Variants in ZBTB40 observed in about 807,000 individuals in gnomAD.
ZBTB40 encodes zinc finger and BTB domain containing 40.
ZBTB40 carries 60 observed loss-of-function variants against 117.5 expected under a neutral mutation model. That is an observed-to-expected ratio of 0.51 (90% confidence interval 0.41 to 0.63). The LOEUF (loss-of-function observed/expected upper bound fraction) is 0.63, where lower values mean the gene tolerates loss of function less well. Ranked by LOEUF, ZBTB40 falls within the 30% of genes least tolerant of loss-of-function variation. The pLI, the probability that ZBTB40 is intolerant of heterozygous loss-of-function variation, is 0.00. For missense variants in ZBTB40, 1,287 were observed against 1,498.5 expected (o/e 0.86, Z 2.33); for synonymous variants, 525 against 577.1 (o/e 0.91, Z 1.29).
At chr1:22,456,855 T>C (rs1569769421) in intron 1 of ZBTB40, among the ~76,000 whole-genome samples, 1 of 152,244 alleles carries the variant, frequency 6.6e-6, no homozygotes, top group Admixed American at 6.5e-5. Flanking sequence ...TTAGCAGATA[T>C]CATAACTGTT....
chr1:22,431,642 A>G (rs1457456275), intron 1 of ZBTB40, among the ~76,000 whole-genome samples: 1 of 151,880 alleles, frequency 6.6e-6, no homozygotes, highest in African/African-American at 2.4e-5. Context: ...AGGCTGAGGC[A>G]GGAGAATCTC....
intron 1 of ZBTB40, among the ~76,000 whole-genome samples, chr1:22,444,576 T>G (rs538366001): frequency 2.6e-5 from 4 of 152,268 alleles, no homozygotes; most frequent in African/African-American, 9.6e-5. Context: ...TGGTGGAGTT[T>G]AACTGGTGTT....
chr1:22,475,225 T>C (rs909682119), intron 1 of ZBTB40, among the ~76,000 whole-genome samples: 16 of 152,234 alleles, frequency 1.1e-4, no homozygotes, highest in African/African-American at 3.9e-4. Context: ...TGTGTTTCCC[T>C]TATTAGTCCA....
Position 22,522,456 on chromosome 1 carries a change from G to A in ZBTB40, c.3291G>A (p.Gln1097=). The A allele has an allele frequency of 6.2e-7, 1 of 1,614,178 alleles. No homozygotes were observed. The highest frequency in any genetic ancestry group is 1.3e-5 in the African/African-American group (1 of 75,058). The stretch of plus-strand genomic sequence containing the variant: ...TGCTGCAGGTTCATGTCAAGTGCCA[G>A]CATTCAGGTCAGTACCCCTGTCAGC... ...PALLQVHVKC[Q]HSGSQPFRCL... The change falls in exon 16 of 18, where the codon CAG becomes CAA. Residue 1097 remains glutamine (Q), a synonymous_variant. Transcript: ENST00000375647.
At chr1:22,509,617 G>A (rs1639176056) in intron 9 of ZBTB40, among the ~76,000 whole-genome samples, 1 of 152,224 alleles carries the variant, frequency 6.6e-6, no homozygotes, top group South Asian at 2.1e-4. Context: ...CCAGAGTGCT[G>A]GGATTACAGG....
chr1:22,501,022 G>A (rs545937504), intron 3 of ZBTB40, among the ~76,000 whole-genome samples: 9 of 152,236 alleles, frequency 5.9e-5, no homozygotes, highest in Admixed American at 2.0e-4. Flanking sequence ...GATTCAGAAA[G>A]GTATAATTAG....
rs201065023 is a variant in ZBTB40 at position 22,521,547 on chromosome 1, G to A, written c.3100G>A (p.Ala1034Thr). 1.2e-6 allele frequency: 2 copies of A among 1,614,190 alleles called. No individual in the cohort carries two copies. Among genetic ancestry groups the A allele is most frequent in the East Asian group, 4.5e-5 (2 of 44,880 alleles). Residue 1034 changes from alanine (A) to threonine (T), a missense_variant, in exon 15 of 18, where the codon GCT becomes ACT. Physicochemically the swap from Ala to Thr is moderately conservative, Grantham distance 58. Transcript: ENST00000375647. ...TCGAACCCACCACCCTGACGTATTT[G>A]CTGCTCAGAACCACCGATCTTCCAA... ...HNRTHHPDVF[A>T]AQNHRSSKFS...
chr1:22,459,920 T>G lies in ZBTB40; in HGVS notation c.-70+7916T>G, dbSNP rs765866207. ...TTTCCTTATATAAAATCTGTATGCT[T>G]CTTTTTCAGTTTATTAGACCTTTAT... On this transcript the variant is annotated intron_variant, in intron 1 of 17. Transcript: ENST00000375647. 2.6e-5 allele frequency among the ~76,000 whole-genome samples: 4 copies of G among 152,348 alleles called. No homozygotes were observed. In the East Asian group the frequency reaches 5.8e-4, roughly 22 times the overall value.
intron 1 of ZBTB40, among the ~76,000 whole-genome samples, chr1:22,476,392 T>G (rs985796654): frequency 7.9e-5 from 12 of 152,130 alleles, no homozygotes; most frequent in African/African-American, 1.7e-4. Flanking sequence ...CTAGTTTTTT[T>G]TGTGTTCTTT....
chr1:22,493,550 C>T (rs1462151597), intron 3 of ZBTB40, among the ~76,000 whole-genome samples: 1 of 151,994 alleles, frequency 6.6e-6, no homozygotes, highest in African/African-American at 2.4e-5. Context: ...TGGTATATGC[C>T]CTGAAACCAT....
intron 16 of ZBTB40, among the ~76,000 whole-genome samples, chr1:22,522,752 T>C (rs1050435831): frequency 4.7e-5 from 7 of 148,902 alleles, no homozygotes; most frequent in African/African-American, 1.2e-4. Flanking sequence ...ATTCCAGTTA[T>C]AAGATATACC....
intron 1 of ZBTB40, among the ~76,000 whole-genome samples, chr1:22,461,329 GTTTT>G (rs5773006): frequency 7.1e-6 from 1 of 140,574 alleles, no homozygotes. Flanking sequence ...GAGTTCCGTT[GTTTT>G]TTTTTTTTTT....
At position 22,526,373 on chromosome 1, in the gene ZBTB40, C is replaced by A. The variant is rs1639678354; in HGVS notation, c.3697C>A (p.Leu1233Met). The A allele has an allele frequency of 2.5e-6, 4 of 1,614,174 alleles. No homozygotes were observed. Among genetic ancestry groups the A allele is most frequent in the Non-Finnish European group, 3.4e-6 (4 of 1,180,030 alleles). The change falls in exon 18 of 18, where the codon CTG becomes ATG. Residue 1233 changes from leucine to methionine, a missense_variant. Physicochemically the swap from Leu to Met is conservative, Grantham distance 15 (BLOSUM62 2). Transcript: ENST00000375647. ...GGACTTGCTGGATGGCACAGTGACG[C>A]TGATCTGTGGTGAGGCCAAATGAGC... Reference protein sequence around the residue: ...VEDLLDGTVTLICGEAK With the variant: ...VEDLLDGTVTMICGEAK
chr1:22,513,703 A>AAAT lies in ZBTB40; in HGVS notation c.2668+588_2668+590dup, dbSNP rs1208364276. Among the ~76,000 whole-genome samples, 2 of 152,094 alleles carry AAAT rather than the reference A, an allele frequency of 1.3e-5. No individual in the cohort carries two copies. The highest frequency in any genetic ancestry group is 2.4e-5 in the African/African-American group (1 of 41,424). ...GCAACAGAGTGAGACTCCGTCTCAAAAATAATAATAATAATAAATAAAATT... is the reference window on the plus strand; with the variant it reads ...GCAACAGAGTGAGACTCCGTCTCAAAAATAATAATAATAATAATAAATAAAATT... On this transcript the variant is annotated intron_variant, in intron 12 of 17. Transcript: ENST00000375647. This position sits in a 1 kb window ranked among gnomAD's most constrained non-coding sequence, Gnocchi z 4.9.
chr1:22,511,142 A>C (rs1241216143), intron 9 of ZBTB40, 37 bp from the exon 10 acceptor site: 1 of 1,600,246 alleles, frequency 6.2e-7, no homozygotes, highest in Admixed American at 1.7e-5. Context: ...ATCTGCTGAG[A>C]TTAACCCCAC....
chr1:22,510,152 A>G (rs1569867531), intron 9 of ZBTB40, among the ~76,000 whole-genome samples: 1 of 152,352 alleles, frequency 6.6e-6, no homozygotes, highest in East Asian at 1.9e-4. Flanking sequence ...GATCATTTGC[A>G]TCCTGAGTGG....
At chr1:22,517,804 ATCT>A (rs3066614) in intron 13 of ZBTB40, among the ~76,000 whole-genome samples, 63,135 of 151,764 alleles carry the variant, frequency 0.42, 14,155 homozygotes, top group African/African-American at 0.57. Flanking sequence ...CCATTAGGCC[ATCT>A]TCCATTTGCC....
intron 3 of ZBTB40, among the ~76,000 whole-genome samples, chr1:22,499,055 C>T (rs1638855826): frequency 6.6e-6 from 1 of 152,204 alleles, no homozygotes; most frequent in Non-Finnish European, 1.5e-5. Flanking sequence ...TTCTCTGGCT[C>T]AGCCACTTAC....
intron 1 of ZBTB40, among the ~76,000 whole-genome samples, chr1:22,458,246 C>T (rs552828373): frequency 1.3e-5 from 2 of 152,308 alleles, no homozygotes; most frequent in East Asian, 3.9e-4. Context: ...AAGCACAGAT[C>T]GGAATATGTG....
Sources: allele counts gnomAD v4.1 joint callset (sites outside exome capture counted in the v4.1 genomes callset), GRCh38; gene constraint gnomAD v4.1.1; non-coding constraint Gnocchi (gnomAD v3.1); transcripts MANE v1.5; gene names NCBI Gene and HGNC (gene_info 2026-07-23, HGNC 2026-07-21).